Variants in PDE11A observed in about 807,000 individuals in gnomAD.
PDE11A encodes the protein phosphodiesterase 11A.
PDE11A carries 100 observed loss-of-function variants against 100.5 expected under a neutral mutation model. The observed-to-expected ratio is 1.00, with a 90% CI of 0.85 to 1.18. PDE11A has a LOEUF of 1.18. Among genes scored for constraint, PDE11A ranks in the 50% most tolerant of loss-of-function variants. The probability of loss-of-function intolerance (pLI) is 0.00; values close to 1 mark genes in which losing one functional copy is unlikely to be tolerated. For synonymous variants in PDE11A, 381 were observed against 420.8 expected (o/e 0.91, Z 1.16); for missense variants, 1,141 against 1,152.6 (o/e 0.99, Z 0.15).
chr2:177,787,067 A>G (rs901199127), intron 9 of PDE11A, among the ~76,000 whole-genome samples: 1 of 140,110 alleles, frequency 7.1e-6, no homozygotes, highest in African/African-American at 2.7e-5. Context: ...GAGAAGAGCA[A>G]CTCCAAGACA....
intron 10 of PDE11A, among the ~76,000 whole-genome samples, chr2:177,757,744 C>A (rs1040048261): frequency 4.6e-5 from 7 of 151,996 alleles, no homozygotes; most frequent in Admixed American, 4.6e-4. Context: ...GCTTTCAGAG[C>A]CAGTATGAGG....
intron 2 of PDE11A, among the ~76,000 whole-genome samples, chr2:177,960,980 G>A (rs969805102): frequency 3.3e-5 from 5 of 152,178 alleles, no homozygotes; most frequent in Non-Finnish European, 7.4e-5. Context: ...AGTAATTACA[G>A]TATTGAGACT....
intron 2 of PDE11A, among the ~76,000 whole-genome samples, chr2:177,955,431 G>A (rs892083787): frequency 6.6e-6 from 1 of 152,194 alleles, no homozygotes; most frequent in African/African-American, 2.4e-5. Flanking sequence ...AGTGATAAAA[G>A]ATGAAAAGGA....
intron 2 of PDE11A, among the ~76,000 whole-genome samples, chr2:177,952,883 C>T (rs920635904): frequency 2.6e-5 from 4 of 152,108 alleles, no homozygotes; most frequent in Non-Finnish European, 5.9e-5. Context: ...TACTGCTTTT[C>T]CTGGAATGCC....
intron 6 of PDE11A, among the ~76,000 whole-genome samples, chr2:177,832,332 C>G (rs920141550): frequency 6.6e-6 from 1 of 152,116 alleles, no homozygotes; most frequent in African/African-American, 2.4e-5. Context: ...AATCAGCTGC[C>G]AGCACAGATA....
At chr2:177,990,433 G>T (rs991101466) in intron 2 of PDE11A, among the ~76,000 whole-genome samples, 4 of 151,962 alleles carry the variant, frequency 2.6e-5, no homozygotes, top group African/African-American at 9.7e-5. Flanking sequence ...CAAGTATCTG[G>T]GGGGGATAGT....
chr2:177,720,609 C>A (rs2081512369), intron 12 of PDE11A, among the ~76,000 whole-genome samples: 1 of 152,150 alleles, frequency 6.6e-6, no homozygotes. Flanking sequence ...AGGGAATCAC[C>A]ATCTAGGACC....
chr2:177,695,779 T>C (rs745318729), intron 15 of PDE11A, among the ~76,000 whole-genome samples: 14 of 152,192 alleles, frequency 9.2e-5, no homozygotes, highest in Non-Finnish European at 1.9e-4. Context: ...TTTCTAGCAA[T>C]CTCTTTGAGC....
chr2:177,873,637 T>C (rs1340900209), intron 5 of PDE11A, among the ~76,000 whole-genome samples: 1 of 152,100 alleles, frequency 6.6e-6, no homozygotes, highest in Admixed American at 6.6e-5. Flanking sequence ...CACAGCGTGG[T>C]TCCATCACAA....
intron 10 of PDE11A, among the ~76,000 whole-genome samples, chr2:177,750,902 T>C (rs2082016318): frequency 6.6e-6 from 1 of 152,206 alleles, no homozygotes; most frequent in Non-Finnish European, 1.5e-5. Flanking sequence ...CATTCCTAGC[T>C]CTATTACAGA....
At chr2:177,789,712 T>C (rs1384128883) in intron 9 of PDE11A, among the ~76,000 whole-genome samples, 5 of 152,154 alleles carry the variant, frequency 3.3e-5, no homozygotes, top group Non-Finnish European at 7.3e-5. Flanking sequence ...AAAATCAATG[T>C]ACAAAAATCA....
intron 2 of PDE11A, among the ~76,000 whole-genome samples, chr2:177,939,421 A>C (rs1483714690): frequency 2.1e-5 from 3 of 141,068 alleles, no homozygotes; most frequent in African/African-American, 7.8e-5. Context: ...GGAAGGAAGA[A>C]GGAAGGGAGG....
At chr2:177,860,958 CTT>C (rs1362175513) in intron 5 of PDE11A, among the ~76,000 whole-genome samples, 5 of 151,666 alleles carry the variant, frequency 3.3e-5, no homozygotes, top group African/African-American at 1.2e-4. Flanking sequence ...TAAAAGGACA[CTT>C]AACAAAAAAT....
intron 1 of PDE11A, 63 bp from the exon 2 acceptor site, chr2:178,014,523 A>G: frequency 2.9e-6 from 4 of 1,368,730 alleles, no homozygotes; most frequent in Non-Finnish European, 4.1e-6. Flanking sequence ...AAGGAGAGAG[A>G]GGTTTATTTC....
chr2:177,923,489 C>A (rs549245998), intron 2 of PDE11A, among the ~76,000 whole-genome samples: 95 of 152,290 alleles, frequency 6.2e-4, no homozygotes, highest in African/African-American at 2.0e-3. Context: ...CTCCTTTTAT[C>A]TCAGCTGTCC....
intron 1 of PDE11A, among the ~76,000 whole-genome samples, chr2:178,070,874 G>C (rs2087117731): frequency 6.6e-6 from 1 of 152,148 alleles, no homozygotes; most frequent in African/African-American, 2.4e-5. Context: ...AAGATAACTA[G>C]CCCCTCTATC....
At chr2:177,813,202 A>G (rs1303668665) in intron 9 of PDE11A, among the ~76,000 whole-genome samples, 2 of 152,176 alleles carry the variant, frequency 1.3e-5, no homozygotes, top group Admixed American at 6.5e-5. Context: ...CTTTGAGGCT[A>G]CTACTCCTGT....
At chr2:177,822,964 G>A (rs957240833) in intron 6 of PDE11A, among the ~76,000 whole-genome samples, 4 of 151,994 alleles carry the variant, frequency 2.6e-5, no homozygotes, top group Non-Finnish European at 5.9e-5. Context: ...TAACTTTAAT[G>A]TCTTACCTGT....
At position 177,722,620 on chromosome 2, in the gene PDE11A, G is replaced by GTT. The variant is rs2081547119; in HGVS notation, c.2043+5037_2043+5038insAA. ...TTTTTTAAATGATTAAAAGACAGGA[G>GTT]TCTTAAATGTAATTTAAACACAGTA... On this transcript the variant is annotated intron_variant, in intron 12 of 19. Transcript: ENST00000286063. 5.3e-5 allele frequency among the ~76,000 whole-genome samples: 8 copies of GTT among 152,140 alleles called. No individual in the cohort carries two copies. In the South Asian group the frequency reaches 1.7e-3, roughly 32 times the overall value.
Sources: gnomAD v4.1 joint callset for allele counts (sites outside exome capture counted in the v4.1 genomes callset) on GRCh38, gnomAD v4.1.1 for gene constraint, MANE v1.5 for transcripts, NCBI Gene and HGNC (gene_info 2026-07-23, HGNC 2026-07-21) for gene names.